The following INPP4B variants were observed in gnomAD, a reference collection of about 807,000 sequenced individuals.
INPP4B encodes inositol polyphosphate 4-phosphatase type II.
Under a neutral mutation model 122.5 loss-of-function variants are expected in INPP4B, and 55 were observed. The ratio of observed to expected loss-of-function variants is 0.45; its 90% CI spans 0.36 to 0.56. The LOEUF (loss-of-function observed/expected upper bound fraction) is 0.56, where lower values mean the gene tolerates loss of function less well. Ranked by LOEUF, INPP4B falls within the 20% of genes least tolerant of loss-of-function variation. The probability of loss-of-function intolerance (pLI) is 0.00; values close to 1 mark genes in which losing one functional copy is unlikely to be tolerated. For synonymous variants in INPP4B, 403 were observed against 388.7 expected (o/e 1.04, Z -0.43); for missense variants, 1,000 against 1,097.7 (o/e 0.91, Z 1.26).
chr4:142,377,811 C>T (rs1252923585), intron 7 of INPP4B, among the ~76,000 whole-genome samples: 2 of 152,022 alleles, frequency 1.3e-5, no homozygotes, highest in Non-Finnish European at 2.9e-5. Flanking sequence ...ATTCATTACT[C>T]TTCATAGATT....
chr4:142,254,318 C>T (rs1395102035), intron 11 of INPP4B, among the ~76,000 whole-genome samples: 1 of 129,194 alleles, frequency 7.7e-6, no homozygotes, highest in African/African-American at 2.7e-5. Flanking sequence ...CAAAGGAATG[C>T]AGTTCCTCAC....
At chr4:142,669,404 C>T (rs949339508) in intron 2 of INPP4B, among the ~76,000 whole-genome samples, 1 of 152,148 alleles carries the variant, frequency 6.6e-6, no homozygotes, top group Non-Finnish European at 1.5e-5. Context: ...TACTACCTGA[C>T]TTTAAAATAT....
intron 2 of INPP4B, among the ~76,000 whole-genome samples, chr4:142,568,048 GGA>G (rs1732012887): frequency 6.6e-6 from 1 of 152,082 alleles, no homozygotes; most frequent in African/African-American, 2.4e-5. Flanking sequence ...AGCTAAACTG[GGA>G]GAGACTGTGA....
At chr4:142,669,782 A>T (rs1486881975) in intron 2 of INPP4B, among the ~76,000 whole-genome samples, 1 of 152,184 alleles carries the variant, frequency 6.6e-6, no homozygotes, top group East Asian at 1.9e-4. Context: ...CCAAAAGCAC[A>T]GGCAGCAAAA....
At chr4:142,744,421 GA>G (rs1768367897) in intron 1 of INPP4B, among the ~76,000 whole-genome samples, 1 of 151,642 alleles carries the variant, frequency 6.6e-6, no homozygotes, top group Non-Finnish European at 1.5e-5. Context: ...ATTTGATGGG[GA>G]AAAATCAACT....
chr4:142,764,594 T>C (rs1471750823), intron 1 of INPP4B, among the ~76,000 whole-genome samples: 1 of 152,104 alleles, frequency 6.6e-6, no homozygotes, highest in Admixed American at 6.6e-5. Flanking sequence ...TAGGAACATA[T>C]CAGAATTCAT....
At chr4:142,467,954 C>G (rs1818114818) in intron 2 of INPP4B, 1 of 152,166 alleles carries the variant, frequency 6.6e-6, no homozygotes, top group Admixed American at 6.5e-5. Context: ...CTCCCCCTCT[C>G]ACCATGTGAT....
intron 25 of INPP4B, among the ~76,000 whole-genome samples, chr4:142,071,507 GCTT>G (rs1488194926): frequency 6.6e-6 from 1 of 152,140 alleles, no homozygotes; most frequent in East Asian, 1.9e-4. Context: ...AAACTAAAGA[GCTT>G]CTGCACAGCA....
In INPP4B at chr4:142,702,767, TACTTTGGGTTC is replaced by T. The variant is rs750787002; in HGVS notation, c.-191+23061_-191+23071del. Among the ~76,000 whole-genome samples the T allele has an allele frequency of 5.3e-5, 8 of 150,570 alleles. No homozygotes were observed. The East Asian group carries it at 1.6e-3, about 29-fold the overall frequency. ...AAAAAAAAAAAAAGAACTTTGAATT[TACTTTGGGTTC>T]ACAAACTATAACATTTTTAAATAAA... On this transcript the variant is annotated intron_variant, in intron 2 of 25. Transcript: ENST00000262992.
intron 2 of INPP4B, among the ~76,000 whole-genome samples, chr4:142,509,393 A>G (rs900834102): frequency 6.6e-6 from 1 of 151,664 alleles, no homozygotes; most frequent in African/African-American, 2.4e-5. Context: ...CCATCCCCTG[A>G]CAGGCCCCAG....
Position 142,109,012 on chromosome 4 carries a change from C to G in INPP4B, c.2277-822G>C, listed in dbSNP as rs78237712. Among the ~76,000 whole-genome samples the G allele has an allele frequency of 5.3e-4, 80 of 152,218 alleles. No homozygotes were observed. In the East Asian group the frequency reaches 7.2e-3, roughly 14 times the overall value. ...ACTAAAACTGCTTCCTCCTTTGAAC[C>G]ATTGCTAAGCATGTCCCCAATATTT... is the stretch of plus-strand genomic sequence containing the variant. On this transcript the variant is annotated intron_variant, in intron 22 of 25. Transcript: ENST00000262992.
intron 2 of INPP4B, among the ~76,000 whole-genome samples, chr4:142,723,395 A>G (rs951709374): frequency 6.6e-6 from 1 of 152,148 alleles, no homozygotes; most frequent in African/African-American, 2.4e-5. Context: ...GTATTTTTAC[A>G]TGTAATCCTA....
chr4:142,550,210 G>T (rs1727635393), intron 2 of INPP4B, among the ~76,000 whole-genome samples: 1 of 152,144 alleles, frequency 6.6e-6, no homozygotes, highest in Admixed American at 6.6e-5. Flanking sequence ...GGTGGAAAAT[G>T]CTCACTATGT....
intron 7 of INPP4B, among the ~76,000 whole-genome samples, chr4:142,355,355 A>G (rs1457231076): frequency 6.6e-6 from 1 of 151,966 alleles, no homozygotes; most frequent in Non-Finnish European, 1.5e-5. Context: ...TGAGATGCAG[A>G]TTTGCTCTTT....
At chr4:142,524,126 A>G (rs933737729) in intron 2 of INPP4B, among the ~76,000 whole-genome samples, 1 of 151,818 alleles carries the variant, frequency 6.6e-6, no homozygotes, top group Non-Finnish European at 1.5e-5. Context: ...ATATGTGTGC[A>G]TGTGTCTTTA....
chr4:142,680,926 T>C (rs1292652191), intron 2 of INPP4B, among the ~76,000 whole-genome samples: 2 of 151,976 alleles, frequency 1.3e-5, no homozygotes, highest in East Asian at 3.9e-4. Context: ...GACACAAAAG[T>C]AAGCCAGACA....
At chr4:142,656,935 G>A (rs760402306) in intron 2 of INPP4B, among the ~76,000 whole-genome samples, 9 of 152,148 alleles carry the variant, frequency 5.9e-5, no homozygotes, top group East Asian at 3.9e-4. Context: ...TGCTTTACAC[G>A]TCTGTATGGT....
At chr4:142,034,696 G>A (rs1742729465) in intron 25 of INPP4B, among the ~76,000 whole-genome samples, 1 of 152,046 alleles carries the variant, frequency 6.6e-6, no homozygotes, top group African/African-American at 2.4e-5. Context: ...TATATGGTCA[G>A]GAAACCATAT....
intron 2 of INPP4B, among the ~76,000 whole-genome samples, chr4:142,681,665 A>T (rs1276922412): frequency 6.6e-6 from 1 of 151,872 alleles, no homozygotes; most frequent in Admixed American, 6.6e-5. Flanking sequence ...AAGGTAGTGG[A>T]TGCCTGCAAA....
Sources: gnomAD v4.1 joint callset for allele counts (sites outside exome capture counted in the v4.1 genomes callset) on GRCh38, gnomAD v4.1.1 for gene constraint, MANE v1.5 for transcripts, NCBI Gene and HGNC (gene_info 2026-07-23, HGNC 2026-07-21) for gene names.